The following DIS3 variants were observed in gnomAD, a reference collection of about 807,000 sequenced individuals.
DIS3 encodes the protein exosome complex exonuclease RRP44.
DIS3 carries 103 observed loss-of-function variants against 113.0 expected under a neutral mutation model. The observed-to-expected ratio is 0.91, with a 90% CI of 0.78 to 1.07. DIS3 has a LOEUF of 1.07. DIS3 is among the 50% of genes least tolerant of loss of function. DIS3 has a pLI of 0.00. For synonymous variants in DIS3, 402 were observed against 394.3 expected (o/e 1.02, Z -0.23); for missense variants, 1,121 against 1,167.1 (o/e 0.96, Z 0.58).
chr13:72,755,572 A>C lies in DIS3; in HGVS notation c.*4223T>G. 1 of 333,084 alleles carries C rather than the reference A, an allele frequency of 3.0e-6. No individual in the cohort carries two copies. Among genetic ancestry groups the C allele is most frequent in the Non-Finnish European group, 5.4e-6 (1 of 186,474 alleles). 20.6% of individuals were successfully genotyped at this position (333,084 alleles called of 1,614,324 possible). On this transcript the variant is annotated 3_prime_UTR_variant, in exon 21 of 21. Transcript: ENST00000377767. ...AATTTAGCAGTTCTGAGAACATGTG[A>C]AACTATGTTAAAACTGAAGGCACTA...
In DIS3 at chr13:72,776,003, T is replaced by C; in HGVS notation, c.744A>G (p.Gln248=). The C allele has an allele frequency of 1.2e-6, 2 of 1,612,208 alleles. No homozygotes were observed. The highest frequency in any genetic ancestry group is 1.7e-6 in the Non-Finnish European group (2 of 1,179,434). ...TTTCCCTGCTAGCTCTAAATGTTCC[T>C]TGAAGGTATGTACCAGATTTTATGC... is the stretch of plus-strand genomic sequence containing the variant. ...QQGIKSGTYL[Q]GTFRASRENY... Residue 248 remains glutamine (Q), a synonymous_variant, in exon 5 of 21, where the codon CAA becomes CAG. Transcript: ENST00000377767.
At chr13:72,780,421 T>A (rs149719054) in intron 2 of DIS3, among the ~76,000 whole-genome samples, 20 of 151,640 alleles carry the variant, frequency 1.3e-4, no homozygotes, top group African/African-American at 4.8e-4. Flanking sequence ...AAAAAGACCA[T>A]TAAGAATAAA....
Position 72,762,052 on chromosome 13 carries a change from G to A in DIS3, c.2213C>T (p.Thr738Ile), listed in dbSNP as rs1184810637. The change falls in exon 17 of 21, where the codon ACT becomes ATT. Residue 738 changes from threonine (T) to isoleucine (I), a missense_variant. By Grantham distance (89) the Thr-to-Ile change is moderately conservative. Coordinates refer to ENST00000377767, the MANE Select transcript of DIS3 (RefSeq NM_014953.5). ...AESPTFPYLN[T>I]LLRILATRCM... The stretch of plus-strand genomic sequence containing the variant: ...GCGAGTGGCTAATATTCTCAACAGA[G>A]TGTTTAGATATGGAAAAGTAGGAGA... 2 of 1,614,108 alleles carry A rather than the reference G, an allele frequency of 1.2e-6. No homozygotes were observed. The highest frequency in any genetic ancestry group is 1.7e-6 in the Non-Finnish European group (2 of 1,180,004).
chr13:72,778,437 A>C, intron 2 of DIS3, 57 bp from the exon 3 acceptor site: 2 of 1,430,396 alleles, frequency 1.4e-6, no homozygotes, highest in Non-Finnish European at 1.9e-6. Flanking sequence ...GGATATGTGA[A>C]AACTCTTAGC....
Position 72,766,016 on chromosome 13 carries a change from G to A in DIS3, c.1926C>T (p.Asp642=). ...GATCTATAGGATCGTGAGTTTCACT[G>A]TCCATGTGGAATCGAACTTCAGGAG... is the stretch of plus-strand genomic sequence containing the variant. ...LSSPEVRFHM[D]SETHDPIDLQ... is the part of the protein sequence containing the mutation. Residue 642 remains aspartate (D), a synonymous_variant, in exon 15 of 21, where the codon GAC becomes GAT. Coordinates refer to ENST00000377767, the MANE Select transcript of DIS3 (RefSeq NM_014953.5). 3.1e-6 allele frequency: 5 copies of A among 1,612,036 alleles called. No individual in the cohort carries two copies. The highest frequency in any genetic ancestry group is 1.1e-5 in the South Asian group (1 of 90,600).
Position 72,759,649 on chromosome 13 carries a change from CTG to C in DIS3, c.*144_*145del, listed in dbSNP as rs1383413086. The stretch of plus-strand genomic sequence containing the variant: ...AGTATGATGGGTCAGATACAGTCAA[CTG>C]TTCAATAAAAATGCAGATGTCTGAA... On this transcript the variant is annotated 3_prime_UTR_variant, in exon 21 of 21. Coordinates refer to ENST00000377767, the MANE Select transcript of DIS3 (RefSeq NM_014953.5). 1.6e-6 allele frequency: 1 copy of C among 617,994 alleles called. No individual in the cohort carries two copies. The highest frequency in any genetic ancestry group is 1.9e-5 in the African/African-American group (1 of 53,896). The allele number at this position is 617,994 out of a possible 1,614,324, so 38.3% of individuals were successfully genotyped here.
chr13:72,766,359 T>C (rs968229772), intron 14 of DIS3, among the ~76,000 whole-genome samples: 7 of 152,228 alleles, frequency 4.6e-5, no homozygotes, highest in African/African-American at 1.7e-4. Context: ...TGAGTTTTTA[T>C]TGAGCTACAC....
At chr13:72,766,951 T>G (rs1466327642) in intron 14 of DIS3, among the ~76,000 whole-genome samples, 1 of 152,200 alleles carries the variant, frequency 6.6e-6, no homozygotes, top group Non-Finnish European at 1.5e-5. Context: ...GAACACATAC[T>G]AAAAAGAGAA....
intron 19 of DIS3, 50 bp downstream of exon 19, chr13:72,761,313 A>G (rs754253694): frequency 3.2e-6 from 5 of 1,561,198 alleles, no homozygotes; most frequent in Non-Finnish European, 4.3e-6. Flanking sequence ...ATGAACTCTC[A>G]AAGAAAAAGT....
At chr13:72,776,132 T>C in intron 4 of DIS3, 40 bp from the exon 5 acceptor site, 1 of 1,551,828 alleles carries the variant, frequency 6.4e-7, no homozygotes, top group Non-Finnish European at 8.7e-7. Context: ...CTAATAAGTC[T>C]TCTGTTCACT....
Position 72,766,071 on chromosome 13 carries a change from TA to T in DIS3, c.1884-14del. The T allele has an allele frequency of 6.4e-7, 1 of 1,567,418 alleles. No individual in the cohort carries two copies. Among genetic ancestry groups the T allele is most frequent in the South Asian group, 1.2e-5 (1 of 83,228 alleles). Reference sequence around the variant, plus strand: ...TAGAGTCAAAGCCCTACATAAAAATTAAAGAGAAAAATTATAGTCAAGCAAG... The same window carrying T: ...TAGAGTCAAAGCCCTACATAAAAATTAAGAGAAAAATTATAGTCAAGCAAG... On this transcript the variant is annotated splice_polypyrimidine_tract_variant and intron_variant, in intron 14 of 20. Coordinates refer to ENST00000377767, the MANE Select transcript of DIS3 (RefSeq NM_014953.5).
intron 4 of DIS3, among the ~76,000 whole-genome samples, chr13:72,776,976 C>T (rs1295682177): frequency 2.6e-5 from 4 of 152,178 alleles, no homozygotes; most frequent in African/African-American, 9.6e-5. Flanking sequence ...GAATCCTTTC[C>T]TCTTCATAGC....
chr13:72,781,006 T>G lies in DIS3; in HGVS notation c.229-3A>C, dbSNP rs757858104. The G allele has an allele frequency of 6.3e-7, 1 of 1,588,730 alleles. No individual in the cohort carries two copies. The highest frequency in any genetic ancestry group is 1.9e-5 in the Admixed American group (1 of 53,074). On this transcript the variant is annotated splice_polypyrimidine_tract_variant and splice_region_variant and intron_variant, in intron 1 of 20. Transcript: ENST00000377767. ...GCAGGGTCCTCAAGAACATCAATCT[T>G]AAAGAAAGATAAAGTTAATTTTTCC...
chr13:72,761,307 A>T, intron 19 of DIS3, 56 bp downstream of exon 19: 1 of 1,556,154 alleles, frequency 6.4e-7, no homozygotes, highest in Admixed American at 2.3e-5. Context: ...CCATTTATGA[A>T]CTCTCAAAGA....
At chr13:72,760,161 T>C (rs1015650072) in intron 20 of DIS3, among the ~76,000 whole-genome samples, 9 of 152,176 alleles carry the variant, frequency 5.9e-5, no homozygotes, top group African/African-American at 9.6e-5. Context: ...GCCACTGTGA[T>C]TGACAGAATC....
chr13:72,776,221 A>G (rs1281750337), intron 4 of DIS3, 129 bp from the exon 5 acceptor site: 1 of 870,236 alleles, frequency 1.1e-6, no homozygotes, highest in African/African-American at 1.8e-5. Context: ...AGGAGAGAAG[A>G]TAGCAGTGTT....
At position 72,757,993 on chromosome 13, in the gene DIS3, C is replaced by G. The variant is rs1353500459; in HGVS notation, c.*1802G>C. The G allele has an allele frequency of 5.1e-6, 1 of 197,202 alleles. No homozygotes were observed. The highest frequency in any genetic ancestry group is 7.8e-5 in the East Asian group (1 of 12,840). The allele number at this position is 197,202 out of a possible 1,614,324, so 12.2% of individuals were successfully genotyped here. ...CAGTAGTGCACAGTAATATCATGGCCTTCACATTCACTAACCACTTACTGA... is the reference window on the plus strand; with the variant it reads ...CAGTAGTGCACAGTAATATCATGGCGTTCACATTCACTAACCACTTACTGA... On this transcript the variant is annotated 3_prime_UTR_variant, in exon 21 of 21. Transcript: ENST00000377767.
In DIS3 at chr13:72,754,684, A is replaced by C. The variant is rs1321018747; in HGVS notation, c.*5111T>G. 1 of 152,726 alleles carries C rather than the reference A, an allele frequency of 6.5e-6. No individual in the cohort carries two copies. Among genetic ancestry groups the C allele is most frequent in the Non-Finnish European group, 1.5e-5 (1 of 68,468 alleles). The allele number at this position is 152,726 out of a possible 1,614,324, so 9.5% of individuals were successfully genotyped here. The stretch of plus-strand genomic sequence containing the variant: ...GGATGCAGTTGTCTATCTAAACATA[A>C]GTAGAGATAAATGAAGGATTTTTTT... On this transcript the variant is annotated 3_prime_UTR_variant, in exon 21 of 21. Transcript: ENST00000377767.
At chr13:72,773,605 T>G (rs2033936624) in intron 8 of DIS3, 79 bp downstream of exon 8, 1 of 1,443,844 alleles carries the variant, frequency 6.9e-7, no homozygotes. Context: ...AAAAGTAGAT[T>G]GTTTTTATTA....
Sources: allele counts gnomAD v4.1 joint callset (sites outside exome capture counted in the v4.1 genomes callset), GRCh38; gene constraint gnomAD v4.1.1; transcripts MANE v1.5; gene names NCBI Gene and HGNC (gene_info 2026-07-23, HGNC 2026-07-21).